Variants in DMKN observed in about 807,000 individuals in gnomAD.
The protein encoded by DMKN is dermokine, also known as epidermis-specific secreted protein SK30/SK89.
In DMKN, 58 loss-of-function variants were observed where a neutral mutation model predicts 67.6. That is an observed-to-expected ratio of 0.86 (90% CI 0.69 to 1.07). The LOEUF is 1.07. DMKN is among the 50% of genes least tolerant of loss of function. The pLI is 0.00. For missense variants in DMKN, 596 were observed against 601.5 expected (o/e 0.99, Z 0.10); for synonymous variants, 240 against 232.3 (o/e 1.03, Z -0.30).
intron 11 of DMKN, 167 bp downstream of exon 11, chr19:35,501,969 C>T (rs1444277293): frequency 1.3e-6 from 2 of 1,546,556 alleles, no homozygotes; most frequent in Non-Finnish European, 1.7e-6. Context: ...CACCCTGCTC[C>T]TCAGTGACTC....
In DMKN at chr19:35,506,210, T is replaced by C. The variant is rs988316740; in HGVS notation, c.1039-224A>G. ...CCTGGGTGGGGAAAAGGGGGACCGA[T>C]GTCCAAGGCTTATGCTTCCTATCAT... On this transcript the variant is annotated intron_variant, in intron 7 of 15. Coordinates refer to ENST00000339686, the MANE Select transcript of DMKN (RefSeq NM_033317.5). 4 of 1,484,094 alleles carry C rather than the reference T, an allele frequency of 2.7e-6. No homozygotes were observed. In the Middle Eastern group the frequency reaches 5.9e-4, roughly 220 times the overall value. The allele number at this position is 1,484,094 out of a possible 1,614,324, so 91.9% of individuals were successfully genotyped here.
intron 13 of DMKN, chr19:35,499,121 G>T: frequency 1.5e-6 from 1 of 653,598 alleles, no homozygotes; most frequent in Non-Finnish European, 2.6e-6. Context: ...ATGGTTCCTG[G>T]GCACGTACTG....
chr19:35,503,034 G>A, intron 9 of DMKN, 148 bp from the exon 10 acceptor site: 2 of 1,003,806 alleles, frequency 2.0e-6, no homozygotes, highest in South Asian at 3.4e-5. Flanking sequence ...AGGGACACCA[G>A]GAAACCATTT....
chr19:35,505,117 T>C (rs2069199431), intron 9 of DMKN, among the ~76,000 whole-genome samples: 1 of 151,948 alleles, frequency 6.6e-6, no homozygotes, highest in Admixed American at 6.6e-5. Context: ...GTTGTCCACC[T>C]GTCCTTCCTC....
intron 9 of DMKN, chr19:35,503,464 GTT>G (rs748536421): frequency 6.9e-7 from 1 of 1,458,516 alleles, no homozygotes; most frequent in South Asian, 1.3e-5. Flanking sequence ...AAAGAAACAG[GTT>G]TTTTTTTGTT....
At chr19:35,506,656 G>C (rs1319963234) in intron 7 of DMKN, 1 of 441,232 alleles carries the variant, frequency 2.3e-6, no homozygotes, top group Admixed American at 2.4e-5. Context: ...GGAGAGGTTA[G>C]CTGACTTGCC....
At chr19:35,512,995 T>C in intron 1 of DMKN, 55 bp downstream of exon 1, 1 of 1,598,960 alleles carries the variant, frequency 6.3e-7, no homozygotes, top group Non-Finnish European at 8.5e-7. Context: ...CCCAAGAATC[T>C]CAGCCCAGCA....
chr19:35,498,672 C>G (rs1490429591), intron 15 of DMKN, 44 bp downstream of exon 15: 2 of 1,612,484 alleles, frequency 1.2e-6, no homozygotes, highest in Non-Finnish European at 1.7e-6. Flanking sequence ...GACTGTGCCT[C>G]CACTGCCAGG....
intron 9 of DMKN, chr19:35,503,208 C>T: frequency 7.0e-7 from 1 of 1,436,558 alleles, no homozygotes; most frequent in South Asian, 1.5e-5. Flanking sequence ...GCCGGGCCTC[C>T]TCCAGCCCGT....
chr19:35,503,745 G>A (rs2068883450), intron 9 of DMKN, among the ~76,000 whole-genome samples: 1 of 152,084 alleles, frequency 6.6e-6, no homozygotes, highest in African/African-American at 2.4e-5. Flanking sequence ...CAAAGTGCTA[G>A]GATTACAGGC....
chr19:35,497,342 G>C lies in DMKN; in HGVS notation c.*197C>G, dbSNP rs1321375219. 1 of 152,252 alleles carries C rather than the reference G, an allele frequency of 6.6e-6. No individual in the cohort carries two copies. Among genetic ancestry groups the C allele is most frequent in the Non-Finnish European group, 1.5e-5 (1 of 68,066 alleles). 9.4% of individuals were successfully genotyped at this position (152,252 alleles called of 1,614,324 possible). ...AGGGAGGAGGTACAGAAAGATGCTG[G>C]TGTATGTGACGAGGCTGGTGGCCAC... On this transcript the variant is annotated 3_prime_UTR_variant, in exon 16 of 16. Transcript: ENST00000339686.
chr19:35,510,545 G>A, intron 5 of DMKN: 1 of 1,533,566 alleles, frequency 6.5e-7, no homozygotes, highest in South Asian at 1.2e-5. Context: ...CGCAGTAGCC[G>A]CGATCCTGCC....
Position 35,502,883 on chromosome 19 carries a change from G to C in DMKN, c.1138C>G (p.Gln380Glu), listed in dbSNP as rs777748419. The change falls in exon 10 of 16, where the codon CAG becomes GAG. Residue 380 changes from glutamine (Q) to glutamate (E), a missense_variant. By Grantham distance (29) the Gln-to-Glu change is conservative. Coordinates refer to ENST00000339686, the MANE Select transcript of DMKN (RefSeq NM_033317.5). ...GCTCGGGTGCTGGGGGGCGGGACCT[G>C]GTTCTGTGGATGAAAGGCGGGGAGC... ...FINWDAINKN[Q>E]VPPPSTRALL... 4.3e-6 allele frequency: 7 copies of C among 1,613,796 alleles called. No individual in the cohort carries two copies. In the South Asian group the frequency reaches 6.6e-5, roughly 15 times the overall value.
chr19:35,507,320 T>TG (rs1202283323), intron 7 of DMKN: 1 of 720,720 alleles, frequency 1.4e-6, no homozygotes, highest in Non-Finnish European at 2.3e-6. Context: ...AACCCTGTTT[T>TG]GGTCTCTTGA....
At chr19:35,506,756 G>A (rs1198777125) in intron 7 of DMKN, 1 of 308,006 alleles carries the variant, frequency 3.2e-6, no homozygotes, top group Non-Finnish European at 6.5e-6. Context: ...GGTCACGCCT[G>A]TAATCCCAGC....
Position 35,512,335 on chromosome 19 carries a change from ATCTTGCTTTCC to A in DMKN, c.684+75_684+85del, listed in dbSNP as rs2070987236. On this transcript the variant is annotated intron_variant, in intron 3 of 15. Transcript: ENST00000339686. ...CTCACCCCAATCCCTCCACTCCCCC[ATCTTGCTTTCC>A]TCTTTGTCTTTCCCCAGCTCTCTGT... 6 of 1,539,000 alleles carry A rather than the reference ATCTTGCTTTCC, an allele frequency of 3.9e-6. No individual in the cohort carries two copies. The African/African-American group carries it at 5.5e-5, about 14-fold the overall frequency.
chr19:35,510,109 C>A, intron 6 of DMKN, 75 bp downstream of exon 6: 2 of 1,563,196 alleles, frequency 1.3e-6, no homozygotes, highest in East Asian at 2.3e-5. Context: ...CCTTGGCTCC[C>A]CGATCCTGCG....
chr19:35,504,324 C>T (rs749118910), intron 9 of DMKN, among the ~76,000 whole-genome samples: 1 of 152,140 alleles, frequency 6.6e-6, no homozygotes, highest in Non-Finnish European at 1.5e-5. Context: ...TGCCTGTAAT[C>T]CCAACATTTT....
At chr19:35,510,430 A>T (rs532038091) in intron 5 of DMKN, 178 bp from the exon 6 acceptor site, 1 of 1,552,316 alleles carries the variant, frequency 6.4e-7, no homozygotes, top group African/African-American at 1.4e-5. Context: ...CCGAGCATGG[A>T]GAAGGCCAGG....
Sources: gnomAD v4.1 joint callset for allele counts (sites outside exome capture counted in the v4.1 genomes callset) on GRCh38, gnomAD v4.1.1 for gene constraint, MANE v1.5 for transcripts, NCBI Gene and HGNC (gene_info 2026-07-23, HGNC 2026-07-21) for gene names.